Variants in LGMN observed in about 807,000 individuals in gnomAD.
LGMN encodes asparaginyl endopeptidase.
A neutral mutation model predicts 56.8 loss-of-function variants in LGMN; 36 were observed. The observed-to-expected ratio is 0.63, with a 90% CI of 0.49 to 0.84. The LOEUF (loss-of-function observed/expected upper bound fraction) is 0.84, where lower values mean the gene tolerates loss of function less well. Ranked by LOEUF, LGMN falls within the 40% of genes least tolerant of loss-of-function variation. The pLI is 0.00. For synonymous variants in LGMN, 199 were observed against 210.1 expected (o/e 0.95, Z 0.46); for missense variants, 446 against 556.1 (o/e 0.80, Z 1.99).
chr14:92,746,220 G>A (rs1398875681), intron 1 of LGMN, among the ~76,000 whole-genome samples: 1 of 152,110 alleles, frequency 6.6e-6, no homozygotes, highest in Non-Finnish European at 1.5e-5. Flanking sequence ...TAGTTTCAAT[G>A]TGCATTTCCT....
chr14:92,709,889 C>T lies in LGMN; in HGVS notation c.820-17G>A, dbSNP rs755637513. On this transcript the variant is annotated splice_polypyrimidine_tract_variant and intron_variant, in intron 10 of 13. Coordinates refer to ENST00000334869, the MANE Select transcript of LGMN (RefSeq NM_005606.7). ...GGAGATTGTCTGGGGAGACAGACAG[C>T]AAGAGAGAGCGAGAGAGAAAGCGAG... 70 of 1,568,738 alleles carry T rather than the reference C, an allele frequency of 4.5e-5. No homozygotes were observed. The highest frequency in any genetic ancestry group is 5.6e-5 in the Non-Finnish European group (65 of 1,150,664).
intron 2 of LGMN, among the ~76,000 whole-genome samples, chr14:92,719,158 G>GCCA (rs71123370): frequency 0.37 from 35,331 of 95,320 alleles, 5,819 homozygotes; most frequent in Non-Finnish European, 0.4. Flanking sequence ...CACCGCCACT[G>GCCA]CCACCACCAC....
intron 2 of LGMN, among the ~76,000 whole-genome samples, chr14:92,724,379 C>T (rs1890643204): frequency 6.6e-6 from 1 of 152,212 alleles, no homozygotes; most frequent in African/African-American, 2.4e-5. Flanking sequence ...CCTCATCAGG[C>T]TGTGACTCTC....
In LGMN at chr14:92,714,994, A is replaced by ATTTTTTTT. The variant is rs780256263; in HGVS notation, c.405-551_405-544dup. ...CTCACAGATGTCCATCTCCATACTA[A>ATTTTTTTT]TTTTTTTTTTTTTTTTTTTTTTGAG... On this transcript the variant is annotated intron_variant, in intron 5 of 13. Coordinates refer to ENST00000334869, the MANE Select transcript of LGMN (RefSeq NM_005606.7). The surrounding 1 kb of genome is among the most constrained non-coding windows in gnomAD (Gnocchi z 5.1). Among the ~76,000 whole-genome samples, 8 of 127,390 alleles carry ATTTTTTTT rather than the reference A, an allele frequency of 6.3e-5. No individual in the cohort carries two copies. Among genetic ancestry groups the ATTTTTTTT allele is most frequent in the African/African-American group, 2.5e-4 (8 of 32,422 alleles). 83.6% of individuals were successfully genotyped at this position (127,390 alleles called of 152,430 possible).
At chr14:92,706,745 C>T in intron 11 of LGMN, 92 bp from the exon 12 acceptor site, 2 of 1,188,342 alleles carry the variant, frequency 1.7e-6, no homozygotes, top group Non-Finnish European at 2.3e-6. Flanking sequence ...AAAGGCTACT[C>T]TCCACACAGC....
At chr14:92,725,420 A>T (rs1191804472) in intron 2 of LGMN, among the ~76,000 whole-genome samples, 1 of 151,902 alleles carries the variant, frequency 6.6e-6, no homozygotes, top group East Asian at 1.9e-4. Context: ...GCATGGTGGC[A>T]CACCTATGGT....
chr14:92,720,793 G>C (rs61994070), intron 2 of LGMN, among the ~76,000 whole-genome samples: 13,091 of 152,278 alleles, frequency 0.086, 709 homozygotes, highest in East Asian at 0.24. Context: ...TATTAAGATA[G>C]CGGATGGACT....
At chr14:92,744,461 T>G (rs116201676) in intron 1 of LGMN, among the ~76,000 whole-genome samples, 2,218 of 152,340 alleles carry the variant, frequency 0.015, 57 homozygotes, top group African/African-American at 0.051. Flanking sequence ...TCAGTATTTC[T>G]AATCTACAAA....
At chr14:92,740,178 G>A (rs1469009332) in intron 1 of LGMN, among the ~76,000 whole-genome samples, 1 of 152,224 alleles carries the variant, frequency 6.6e-6, no homozygotes, top group African/African-American at 2.4e-5. Context: ...AACCCGGGAG[G>A]CAGAGGTTGC....
At chr14:92,715,946 G>C in intron 5 of LGMN, 190 bp downstream of exon 5, 1 of 446,812 alleles carries the variant, frequency 2.2e-6, no homozygotes. Flanking sequence ...ATTCAGTGCA[G>C]AAATGGGCCA....
chr14:92,739,807 G>C (rs923715227), intron 1 of LGMN, among the ~76,000 whole-genome samples: 1 of 152,202 alleles, frequency 6.6e-6, no homozygotes, highest in African/African-American at 2.4e-5. Flanking sequence ...TACTGTGAAG[G>C]CTTTAAAAAG....
rs138978241 is a variant in LGMN at position 92,718,794 on chromosome 14, G to A, written c.189C>T (p.Asp63=). Residue 63 remains aspartate (D), a synonymous_variant, in exon 3 of 14, where the codon GAC becomes GAT. Transcript: ENST00000334869. The stretch of plus-strand genomic sequence containing the variant: ...CGTACATCATCACAACGATCTGTTC[G>A]TCAGGAATCCCATTGCGGTGAATGA... ...YQIIHRNGIP[D]EQIVVMMYDD... The A allele has an allele frequency of 2.7e-5, 43 of 1,612,970 alleles. No individual in the cohort carries two copies. The East Asian group carries it at 4.0e-4, about 15-fold the overall frequency.
At chr14:92,718,439 C>T (rs529540038) in intron 3 of LGMN, among the ~76,000 whole-genome samples, 222 of 152,188 alleles carry the variant, frequency 1.5e-3, no homozygotes, top group Non-Finnish European at 2.2e-3. Context: ...CTGGGCATGG[C>T]AGTGCACACC....
At chr14:92,704,763 T>G in intron 12 of LGMN, 56 bp from the exon 13 acceptor site, 1 of 1,430,218 alleles carries the variant, frequency 7.0e-7, no homozygotes, top group Non-Finnish European at 9.9e-7. Flanking sequence ...CACAATCCAC[T>G]CCACTTTTGC....
chr14:92,704,943 C>T (rs762502392), intron 12 of LGMN: 1 of 456,470 alleles, frequency 2.2e-6, no homozygotes, highest in Non-Finnish European at 4.1e-6. Context: ...TCTGCACTCT[C>T]AAATCTGAGG....
intron 5 of LGMN, among the ~76,000 whole-genome samples, chr14:92,715,473 C>G (rs2140222735): frequency 6.6e-6 from 1 of 152,338 alleles, no homozygotes; most frequent in East Asian, 1.9e-4. Flanking sequence ...ACCTTGGCCT[C>G]CCAAAGTGCT....
At chr14:92,737,870 C>G (rs1891374456) in intron 1 of LGMN, among the ~76,000 whole-genome samples, 1 of 152,200 alleles carries the variant, frequency 6.6e-6, no homozygotes, top group African/African-American at 2.4e-5. Flanking sequence ...CTGACCCTGT[C>G]TGAGGGAGTG....
chr14:92,732,609 C>A, intron 2 of LGMN, 40 bp downstream of exon 2: 1 of 1,604,368 alleles, frequency 6.2e-7, no homozygotes, highest in Non-Finnish European at 8.5e-7. Flanking sequence ...TTTCAGAATG[C>A]CAGTGTCCTT....
rs748361569 is a variant in LGMN at position 92,732,772 on chromosome 14, T to C, written c.15A>G (p.Val5=). 2.5e-6 allele frequency: 4 copies of C among 1,613,958 alleles called. No homozygotes were observed. The highest frequency in any genetic ancestry group is 3.4e-6 in the Non-Finnish European group (4 of 1,179,960). The stretch of plus-strand genomic sequence containing the variant: ...CCAGGGCCACACTGAGGAATACAGC[T>C]ACTTTCCAAACCATTCTGCACCTTG... MVWK[V]AVFLSVALGI... is the part of the protein sequence containing the mutation. The change falls in exon 2 of 14, where the codon GTA becomes GTG. Residue 5 remains valine (V), a synonymous_variant. Transcript: ENST00000334869.
Sources: allele counts gnomAD v4.1 joint callset (sites outside exome capture counted in the v4.1 genomes callset), GRCh38; gene constraint gnomAD v4.1.1; non-coding constraint Gnocchi (gnomAD v3.1); transcripts MANE v1.5; gene names NCBI Gene and HGNC (gene_info 2026-07-23, HGNC 2026-07-21).